The following C14orf93 variants were observed in gnomAD, a reference collection of about 807,000 sequenced individuals.
C14orf93 encodes the protein chromosome 14 open reading frame 93, also known as uncharacterized protein C14orf93.
In C14orf93, 23 loss-of-function variants were observed where a neutral mutation model predicts 44.0. That is an observed-to-expected ratio of 0.52 (90% CI 0.38 to 0.74). The LOEUF (loss-of-function observed/expected upper bound fraction) is 0.74, where lower values mean the gene tolerates loss of function less well. Ranked by LOEUF, C14orf93 falls within the 30% of genes least tolerant of loss-of-function variation. The pLI is 0.00. For missense variants in C14orf93, 579 were observed against 678.9 expected, an observed-to-expected ratio of 0.85 and a Z score of 1.64; for synonymous variants, 253 against 265.7, an observed-to-expected ratio of 0.95 and a Z score of 0.46.
intron 1 of C14orf93, among the ~76,000 whole-genome samples, chr14:23,003,570 C>T (rs1048709931): frequency 1.3e-5 from 2 of 151,954 alleles, no homozygotes; most frequent in Non-Finnish European, 2.9e-5. Flanking sequence ...GGGCGGGTCA[C>T]CTGAGGTCAG....
chr14:22,991,913 C>T (rs1254478678), intron 3 of C14orf93, among the ~76,000 whole-genome samples: 1 of 152,184 alleles, frequency 6.6e-6, no homozygotes, highest in Non-Finnish European at 1.5e-5. Flanking sequence ...CAGGCAAAAG[C>T]CCCGGGTTTG....
rs1296696670 is a variant in C14orf93 at position 22,990,077 on chromosome 14, A to G, written c.969T>C (p.Asn323=). ...CAAGGAGACCATACCTTTCAGACCC[A>G]TTGAATCTCTTGTCATTGGTGATGT... ...HNHITNDKRF[N]GSESIKSSWN... Residue 323 remains asparagine, a synonymous_variant, in exon 4 of 7, where the codon AAT becomes AAC. Transcript: ENST00000299088. 2.5e-6 allele frequency: 4 copies of G among 1,613,294 alleles called. No individual in the cohort carries two copies. The highest frequency in any genetic ancestry group is 3.4e-6 in the Non-Finnish European group (4 of 1,179,330).
intron 4 of C14orf93, 67 bp downstream of exon 4, chr14:22,989,999 C>G: frequency 6.8e-7 from 1 of 1,480,658 alleles, no homozygotes; most frequent in South Asian, 1.1e-5. Context: ...TGTATTGGAG[C>G]ATCCCCCTCT....
intron 1 of C14orf93, 46 bp downstream of exon 1, chr14:23,010,055 A>G (rs1377361750): frequency 6.6e-6 from 1 of 152,170 alleles, no homozygotes; most frequent in Non-Finnish European, 1.5e-5. Context: ...AAAAAATTTG[A>G]AAACACACAC....
Position 22,999,038 on chromosome 14 carries a change from T to A in C14orf93, c.-15A>T, listed in dbSNP as rs2046164224. On this transcript the variant is annotated 5_prime_UTR_variant, in exon 2 of 7. Coordinates refer to ENST00000299088, the MANE Select transcript of C14orf93 (RefSeq NM_021944.4). The stretch of plus-strand genomic sequence containing the variant: ...CTGAAGGACATGGCGGATGGGGCAG[T>A]AACAACCACGCTTACACTGCTGGGC... 1 of 1,595,792 alleles carries A rather than the reference T, an allele frequency of 6.3e-7. No individual in the cohort carries two copies. Among genetic ancestry groups the A allele is most frequent in the Non-Finnish European group, 8.5e-7 (1 of 1,173,864 alleles).
At chr14:22,999,864 G>A (rs1227964995) in intron 1 of C14orf93, 1 of 152,154 alleles carries the variant, frequency 6.6e-6, no homozygotes, top group Non-Finnish European at 1.5e-5. Context: ...TAATGCTTTG[G>A]GGATGAGGGC....
At chr14:22,995,778 G>C (rs1309679232) in intron 3 of C14orf93, among the ~76,000 whole-genome samples, 170 bp downstream of exon 3, 1 of 151,806 alleles carries the variant, frequency 6.6e-6, no homozygotes, top group Non-Finnish European at 1.5e-5. Context: ...GTTTAGCAGG[G>C]GACTTCCTAT....
chr14:22,987,495 C>G lies in C14orf93; in HGVS notation c.1337G>C (p.Arg446Pro), dbSNP rs143379381. Residue 446 changes from arginine (R) to proline (P), a missense_variant, in exon 7 of 7, where the codon CGT becomes CCT. By Grantham distance (103) the Arg-to-Pro change is moderately radical. Transcript: ENST00000299088. This position sits in a 1 kb window ranked among gnomAD's most constrained non-coding sequence, Gnocchi z 5.6. ...EPGVWVARPP[R>P]FRAQRLTELC... ...CTCTGTGAGGCGCTGGGCCCGGAAA[C>G]GGGGAGGGCGGGCCACCCACACACC... The G allele has an allele frequency of 1.2e-6, 2 of 1,614,224 alleles. No individual in the cohort carries two copies. Among genetic ancestry groups the G allele is most frequent in the South Asian group, 1.1e-5 (1 of 91,082 alleles).
At chr14:23,003,043 T>G (rs1041791289) in intron 1 of C14orf93, among the ~76,000 whole-genome samples, 2 of 152,250 alleles carry the variant, frequency 1.3e-5, no homozygotes, top group Non-Finnish European at 2.9e-5. Flanking sequence ...CTTGCTATCA[T>G]GACCTGGTCT....
rs1446146218 is a variant in C14orf93, at chr14:22,987,728, T to C, written c.1198-94A>G. Reference sequence around the variant, plus strand: ...TTGGTGGGGAAGGCTGTGTAAAATCTGTGCCTAAGTGAACCCAGTCCCCAA... The same window carrying C: ...TTGGTGGGGAAGGCTGTGTAAAATCCGTGCCTAAGTGAACCCAGTCCCCAA... On this transcript the variant is annotated intron_variant, in intron 6 of 6. Transcript: ENST00000299088. This position sits in a 1 kb window ranked among gnomAD's most constrained non-coding sequence, Gnocchi z 5.6. The C allele has an allele frequency of 8.1e-6, 11 of 1,366,322 alleles. No homozygotes were observed. The highest frequency in any genetic ancestry group is 3.0e-6 in the Non-Finnish European group (3 of 1,007,796). The allele number at this position is 1,366,322 out of a possible 1,614,324, so 84.6% of individuals were successfully genotyped here.
Position 22,996,392 on chromosome 14 carries a change from T to A in C14orf93, c.598-124A>T. 1.1e-6 allele frequency: 1 copy of A among 947,568 alleles called. No homozygotes were observed. The highest frequency in any genetic ancestry group is 1.5e-6 in the Non-Finnish European group (1 of 658,140). The allele number at this position is 947,568 out of a possible 1,614,324, so 58.7% of individuals were successfully genotyped here. On this transcript the variant is annotated intron_variant, in intron 2 of 6. Coordinates refer to ENST00000299088, the MANE Select transcript of C14orf93 (RefSeq NM_021944.4). This position sits in a 1 kb window ranked among gnomAD's most constrained non-coding sequence, Gnocchi z 4.1. ...AGAAGGGGAACTCTAGCACAGTCTT[T>A]AATGGTCAATGGCTTGTTTCTCTGG...
Position 22,998,495 on chromosome 14 carries a change from T to C in C14orf93, c.529A>G (p.Thr177Ala). The change falls in exon 2 of 7, where the codon ACT becomes GCT. Residue 177 changes from threonine (T) to alanine (A), a missense_variant. Physicochemically the swap from Thr to Ala is moderately conservative, Grantham distance 58. Transcript: ENST00000299088. ...CCTGGGAGCCGCATGTCCCTCTGAG[T>C]TGCTGGGAAGCCCAAAGGCCCAGGC... The part of the protein sequence containing the change: ...VGPGPLGFPA[T>A]QRDMRLPGCT... The C allele has an allele frequency of 6.2e-7, 1 of 1,610,598 alleles. No homozygotes were observed. The highest frequency in any genetic ancestry group is 2.2e-5 in the East Asian group (1 of 44,462).
Position 22,999,138 on chromosome 14 carries a change from A to G in C14orf93, c.-115T>C, listed in dbSNP as rs1463116447. On this transcript the variant is annotated 5_prime_UTR_variant, in exon 2 of 7. Coordinates refer to ENST00000299088, the MANE Select transcript of C14orf93 (RefSeq NM_021944.4). ...TCAATGAGGATGGTCAGAGGAGCCC[A>G]GGCCCCAAGCTGTAGGGTCTGTGAA... is the stretch of plus-strand genomic sequence containing the variant. The G allele has an allele frequency of 6.8e-7, 1 of 1,471,094 alleles. No homozygotes were observed. Among genetic ancestry groups the G allele is most frequent in the East Asian group, 2.3e-5 (1 of 43,638 alleles). The allele number at this position is 1,471,094 out of a possible 1,614,324, so 91.1% of individuals were successfully genotyped here.
At position 22,996,923 on chromosome 14, in the gene C14orf93, G is replaced by A. The variant is rs1353037117; in HGVS notation, c.598-655C>T. On this transcript the variant is annotated intron_variant, in intron 2 of 6. Transcript: ENST00000299088. The surrounding 1 kb of genome is among the most constrained non-coding windows in gnomAD (Gnocchi z 4.1). ...GCAAGGGAGAGAGGGAGGAAGAAAGGAGGGGGGATTTCTGCAGTCAAGAAA... is the reference window on the plus strand; with the variant it reads ...GCAAGGGAGAGAGGGAGGAAGAAAGAAGGGGGGATTTCTGCAGTCAAGAAA... Among the ~76,000 whole-genome samples the A allele has an allele frequency of 1.3e-5, 2 of 152,014 alleles. No individual in the cohort carries two copies. The highest frequency in any genetic ancestry group is 2.9e-5 in the Non-Finnish European group (2 of 68,006).
chr14:22,990,059 A>G lies in C14orf93; in HGVS notation c.980+7T>C. On this transcript the variant is annotated splice_region_variant and intron_variant, in intron 4 of 6. Coordinates refer to ENST00000299088, the MANE Select transcript of C14orf93 (RefSeq NM_021944.4). ...CTTCTAATTCTTTTTCCTCAAGGAG[A>G]CCATACCTTTCAGACCCATTGAATC... is the stretch of plus-strand genomic sequence containing the variant. 1 of 1,609,692 alleles carries G rather than the reference A, an allele frequency of 6.2e-7. No individual in the cohort carries two copies. The highest frequency in any genetic ancestry group is 8.5e-7 in the Non-Finnish European group (1 of 1,176,416).
At chr14:22,997,053 G>A (rs1401162324) in intron 2 of C14orf93, among the ~76,000 whole-genome samples, 1 of 152,086 alleles carries the variant, frequency 6.6e-6, no homozygotes, top group African/African-American at 2.4e-5. Context: ...AGACCTGTGA[G>A]CTGCTTTCTG....
chr14:22,997,687 A>G (rs991703986), intron 2 of C14orf93, among the ~76,000 whole-genome samples: 3 of 152,074 alleles, frequency 2.0e-5, no homozygotes, highest in African/African-American at 7.2e-5. Context: ...CTCACAAAAT[A>G]TGCTTGCTTG....
chr14:22,997,565 A>G (rs1427958067), intron 2 of C14orf93, among the ~76,000 whole-genome samples: 1 of 152,082 alleles, frequency 6.6e-6, no homozygotes, highest in Non-Finnish European at 1.5e-5. Flanking sequence ...TCATACTTCC[A>G]TGTGTGACAT....
chr14:22,995,679 C>CAAAAAAAAAAAAAAAAAA (rs58710730), intron 3 of C14orf93, among the ~76,000 whole-genome samples: 1 of 45,040 alleles, frequency 2.2e-5, no homozygotes, highest in Non-Finnish European at 4.7e-5. Context: ...GACTCTGACT[C>CAAAAAAAAAAAAAAAAAA]AAAAAAAAAA....
Sources: allele counts gnomAD v4.1 joint callset (sites outside exome capture counted in the v4.1 genomes callset), GRCh38; gene constraint gnomAD v4.1.1; non-coding constraint Gnocchi (gnomAD v3.1); transcripts MANE v1.5; gene names NCBI Gene and HGNC (gene_info 2026-07-23, HGNC 2026-07-21).